The following SAP30BP variants were observed in gnomAD, a reference collection of about 807,000 sequenced individuals.
SAP30BP encodes the protein SAP30-binding protein.
Under a neutral mutation model 46.3 loss-of-function variants are expected in SAP30BP, and 31 were observed. The observed-to-expected ratio is 0.67, with a 90% CI of 0.50 to 0.90. The LOEUF is 0.90. Ranked by LOEUF, SAP30BP falls within the 40% of genes least tolerant of loss-of-function variation. The pLI is 0.00. For missense variants in SAP30BP, 312 were observed against 391.0 expected (o/e 0.80, Z 1.70); for synonymous variants, 169 against 144.2 (o/e 1.17, Z -1.23).
chr17:75,683,086 C>T (rs1455545070), intron 3 of SAP30BP, among the ~76,000 whole-genome samples: 1 of 146,678 alleles, frequency 6.8e-6, no homozygotes, highest in African/African-American at 2.5e-5. Context: ...ACTCTGTCGC[C>T]CAGGCTGGAG....
chr17:75,701,713 C>T (rs1055618309), intron 5 of SAP30BP, among the ~76,000 whole-genome samples: 2 of 152,212 alleles, frequency 1.3e-5, no homozygotes, highest in Non-Finnish European at 2.9e-5. Flanking sequence ...ATAGCCCTTC[C>T]GAAGTCTCCT....
intron 4 of SAP30BP, among the ~76,000 whole-genome samples, chr17:75,696,125 G>A (rs1205640223): frequency 3.9e-5 from 6 of 152,200 alleles, no homozygotes; most frequent in South Asian, 2.1e-4. Flanking sequence ...TCCTAAGTGC[G>A]GCTGCCTCTG....
intron 3 of SAP30BP, chr17:75,691,430 A>C (rs79667318): frequency 4.4e-6 from 2 of 456,480 alleles, no homozygotes; most frequent in African/African-American, 2.0e-5. Flanking sequence ...GCCTGGCAGC[A>C]CACACACCCC....
intron 3 of SAP30BP, among the ~76,000 whole-genome samples, chr17:75,676,798 T>A (rs1182400874): frequency 6.6e-6 from 1 of 152,226 alleles, no homozygotes; most frequent in African/African-American, 2.4e-5. Flanking sequence ...TTCTAATTGT[T>A]GTTAATCTCT....
intron 3 of SAP30BP, among the ~76,000 whole-genome samples, chr17:75,674,704 T>TG (rs1555718064): frequency 6.8e-5 from 2 of 29,372 alleles, no homozygotes; most frequent in East Asian, 8.9e-4. Flanking sequence ...TTTGTTTTTT[T>TG]TTTTTTTTTT....
intron 2 of SAP30BP, among the ~76,000 whole-genome samples, chr17:75,669,542 C>T (rs999608630): frequency 3.3e-5 from 5 of 151,948 alleles, no homozygotes; most frequent in African/African-American, 7.3e-5. Context: ...TGCTCCTGGC[C>T]GATTTTTAAA....
At chr17:75,690,806 T>A (rs535054994) in intron 3 of SAP30BP, 33 of 455,718 alleles carry the variant, frequency 7.2e-5, no homozygotes, top group South Asian at 5.0e-4. Flanking sequence ...CCCAGATTGA[T>A]TCTCCAGAGC....
rs1293461793 is a variant in SAP30BP, at chr17:75,667,382, A to G, written c.10A>G (p.Lys4Glu). Residue 4 changes from lysine (K) to glutamate (E), a missense_variant, in exon 1 of 11, where the codon AAG becomes GAG. Lys to Glu is a moderately conservative substitution (Grantham distance 56). Coordinates refer to ENST00000584667, the MANE Select transcript of SAP30BP (RefSeq NM_013260.8). The stretch of plus-strand genomic sequence containing the variant: ...GGGCTGTGGGAATAAGATGGCGGGG[A>G]AGAAGAATGTTCTGTCGTCTCTCGC... MAG[K>E]KNVLSSLAVY... 1.2e-6 allele frequency: 2 copies of G among 1,614,134 alleles called. No individual in the cohort carries two copies. Among genetic ancestry groups the G allele is most frequent in the South Asian group, 1.1e-5 (1 of 91,088 alleles).
Position 75,706,125 on chromosome 17 carries a change from A to T in SAP30BP, c.745+33A>T. ...GCAGAGCTGCCCTGCCTCCTGCCAC[A>T]CACATGGAGCCAGGGTCTCCCTGGC... is the stretch of plus-strand genomic sequence containing the variant. On this transcript the variant is annotated intron_variant, in intron 10 of 10. Transcript: ENST00000584667. This position sits in a 1 kb window ranked among gnomAD's most constrained non-coding sequence, Gnocchi z 4.6. 6.3e-7 allele frequency: 1 copy of T among 1,597,732 alleles called. No homozygotes were observed. Among genetic ancestry groups the T allele is most frequent in the African/African-American group, 1.3e-5 (1 of 74,908 alleles).
At position 75,703,791 on chromosome 17, in the gene SAP30BP, C is replaced by A. The variant is rs552913524; in HGVS notation, c.550-17C>A. 3.7e-6 allele frequency: 6 copies of A among 1,610,560 alleles called. No homozygotes were observed. Among genetic ancestry groups the A allele is most frequent in the Non-Finnish European group, 5.1e-6 (6 of 1,176,846 alleles). On this transcript the variant is annotated splice_polypyrimidine_tract_variant and intron_variant, in intron 7 of 10. Coordinates refer to ENST00000584667, the MANE Select transcript of SAP30BP (RefSeq NM_013260.8). The stretch of plus-strand genomic sequence containing the variant: ...TGAGTCATTTGTCATCTGAGTCATT[C>A]GCCTTTTCCTTTGCAGGATATGTTT...
At chr17:75,698,755 A>G (rs2060359996) in intron 4 of SAP30BP, among the ~76,000 whole-genome samples, 1 of 152,230 alleles carries the variant, frequency 6.6e-6, no homozygotes, top group Non-Finnish European at 1.5e-5. Context: ...TCACCTTGGT[A>G]GCTTGAAATT....
rs368291914 is a variant in SAP30BP, at chr17:75,704,747, T to C, written c.602-9T>C. ...GCCACCTTTGTAACAGCTTCTCTTGTCTTCATAGCCAAGGCCCAGAAAATT... is the reference window on the plus strand; with the variant it reads ...GCCACCTTTGTAACAGCTTCTCTTGCCTTCATAGCCAAGGCCCAGAAAATT... On this transcript the variant is annotated splice_polypyrimidine_tract_variant and intron_variant, in intron 8 of 10. Coordinates refer to ENST00000584667, the MANE Select transcript of SAP30BP (RefSeq NM_013260.8). 2.5e-6 allele frequency: 4 copies of C among 1,612,684 alleles called. No individual in the cohort carries two copies. The highest frequency in any genetic ancestry group is 3.4e-6 in the Non-Finnish European group (4 of 1,178,856).
intron 3 of SAP30BP, 151 bp downstream of exon 3, chr17:75,672,014 A>C: frequency 1.4e-6 from 1 of 693,010 alleles, no homozygotes; most frequent in South Asian, 1.6e-5. Flanking sequence ...TTATAAAGAA[A>C]GAACCTGGAG....
At position 75,703,301 on chromosome 17, in the gene SAP30BP, G is replaced by A; in HGVS notation, c.489-10G>A. 1 of 1,614,080 alleles carries A rather than the reference G, an allele frequency of 6.2e-7. No homozygotes were observed. The highest frequency in any genetic ancestry group is 8.5e-7 in the Non-Finnish European group (1 of 1,179,978). ...CTTGTGCCTGCTCAGCGCCGGCACT[G>A]TTCTTTCAGCATCTACGAGAAGCTG... On this transcript the variant is annotated splice_polypyrimidine_tract_variant and intron_variant, in intron 6 of 10. Coordinates refer to ENST00000584667, the MANE Select transcript of SAP30BP (RefSeq NM_013260.8).
intron 4 of SAP30BP, among the ~76,000 whole-genome samples, chr17:75,699,405 T>C (rs1300985564): frequency 1.3e-5 from 2 of 151,828 alleles, no homozygotes; most frequent in African/African-American, 4.8e-5. Flanking sequence ...TTGGCCAAGC[T>C]GGTCTAGAAC....
At chr17:75,681,212 T>C (rs1175830377) in intron 3 of SAP30BP, among the ~76,000 whole-genome samples, 1 of 152,196 alleles carries the variant, frequency 6.6e-6, no homozygotes, top group Non-Finnish European at 1.5e-5. Flanking sequence ...TTGTTAAATA[T>C]CCTGTGGCAC....
chr17:75,675,939 TTAACA>T (rs2059983411), intron 3 of SAP30BP, among the ~76,000 whole-genome samples: 1 of 152,086 alleles, frequency 6.6e-6, no homozygotes, highest in Admixed American at 6.6e-5. Context: ...CTATTACATA[TTAACA>T]TAAATAACAT....
chr17:75,701,933 G>A (rs1568322556), intron 5 of SAP30BP, among the ~76,000 whole-genome samples: 3 of 152,184 alleles, frequency 2.0e-5, no homozygotes, highest in Admixed American at 2.0e-4. Context: ...AGAGCGTCAG[G>A]AAACCTCAGC....
chr17:75,668,957 G>GT (rs1257979846), intron 2 of SAP30BP, among the ~76,000 whole-genome samples: 1 of 152,068 alleles, frequency 6.6e-6, no homozygotes, highest in Non-Finnish European at 1.5e-5. Flanking sequence ...CCTAACTGGT[G>GT]TATCATTTAT....
Sources: gnomAD v4.1 joint callset for allele counts (sites outside exome capture counted in the v4.1 genomes callset) on GRCh38, gnomAD v4.1.1 for gene constraint, Gnocchi (gnomAD v3.1) non-coding constraint, MANE v1.5 for transcripts, NCBI Gene and HGNC (gene_info 2026-07-23, HGNC 2026-07-21) for gene names.